PLCG2: variants seen among roughly 807,000 people sequenced by gnomAD.
The protein encoded by PLCG2 is phospholipase C gamma 2, also known as 1-phosphatidylinositol 4,5-bisphosphate phosphodiesterase gamma-2.
A neutral mutation model predicts 175.6 loss-of-function variants in PLCG2; 69 were observed. The observed-to-expected ratio is 0.39, with a 90% CI of 0.32 to 0.48. The LOEUF (loss-of-function observed/expected upper bound fraction) is 0.48, where lower values mean the gene tolerates loss of function less well. PLCG2 is among the 20% of genes least tolerant of loss of function. The pLI is 0.91. For synonymous variants in PLCG2, 827 were observed against 624.0 expected (o/e 1.33, Z -4.85); for missense variants, 1,798 against 1,650.9 (o/e 1.09, Z -1.54).
chr16:81,828,482 C>A (rs982651023), intron 2 of PLCG2, among the ~76,000 whole-genome samples: 1 of 152,052 alleles, frequency 6.6e-6, no homozygotes, highest in Admixed American at 6.6e-5. Context: ...TCGTGATCCA[C>A]CCATCTCGGC....
chr16:81,959,005 C>G lies in PLCG2; in HGVS notation c.*1007C>G, dbSNP rs957415363. 1.8e-5 allele frequency: 4 copies of G among 223,644 alleles called. No individual in the cohort carries two copies. Among genetic ancestry groups the G allele is most frequent in the African/African-American group, 8.9e-5 (4 of 44,812 alleles). 13.9% of individuals were successfully genotyped at this position (223,644 alleles called of 1,614,324 possible). A position where few individuals can be genotyped will look rare whatever the true frequency, so the allele number is the denominator to read the frequency against. Reference sequence around the variant, plus strand: ...GCCATCTCCCTTGGGGCAGATCTACCTAGTTCATGACAGTATGTGCGGCTG... The same window carrying G: ...GCCATCTCCCTTGGGGCAGATCTACGTAGTTCATGACAGTATGTGCGGCTG... On this transcript the variant is annotated 3_prime_UTR_variant, in exon 33 of 33. Transcript: ENST00000564138.
At chr16:81,749,670 A>G (rs1567692670) in intron 1 of PLCG2, among the ~76,000 whole-genome samples, 2 of 152,234 alleles carry the variant, frequency 1.3e-5, no homozygotes, top group African/African-American at 4.8e-5. Context: ...AAATAAATTT[A>G]AAGAAATAGA....
chr16:81,804,142 C>T (rs895813116), intron 2 of PLCG2, among the ~76,000 whole-genome samples: 1 of 152,212 alleles, frequency 6.6e-6, no homozygotes, highest in African/African-American at 2.4e-5. Context: ...TTTGCCAAAG[C>T]AGTTGCACCA....
intron 23 of PLCG2, among the ~76,000 whole-genome samples, chr16:81,927,764 G>C (rs755845697): frequency 1.3e-5 from 2 of 152,314 alleles, no homozygotes; most frequent in South Asian, 4.1e-4. Flanking sequence ...GCTTCCTGGA[G>C]GAAGGAGTAT....
intron 2 of PLCG2, among the ~76,000 whole-genome samples, chr16:81,805,587 A>G (rs1052154326): frequency 1.6e-4 from 24 of 151,584 alleles, no homozygotes; most frequent in African/African-American, 5.8e-4. Context: ...ACCCAATTAA[A>G]AAGTGGGCGA....
At chr16:81,874,972 T>TTA (rs1907706364) in intron 7 of PLCG2, among the ~76,000 whole-genome samples, 2 of 146,532 alleles carry the variant, frequency 1.4e-5, no homozygotes, top group Admixed American at 6.8e-5. Context: ...TTTTTTTTTT[T>TTA]TTTTTATTTG....
At chr16:81,820,416 A>G (rs1055507753) in intron 2 of PLCG2, among the ~76,000 whole-genome samples, 1 of 152,194 alleles carries the variant, frequency 6.6e-6, no homozygotes, top group Non-Finnish European at 1.5e-5. Flanking sequence ...ACATGGAATG[A>G]AACAGTAGAC....
chr16:81,870,482 A>C (rs1907459205), intron 6 of PLCG2, among the ~76,000 whole-genome samples: 1 of 152,116 alleles, frequency 6.6e-6, no homozygotes, highest in Non-Finnish European at 1.5e-5. Flanking sequence ...AAAAAGGAGG[A>C]GTTACGCATC....
chr16:81,954,116 G>A (rs1256116319), intron 31 of PLCG2, among the ~76,000 whole-genome samples: 2 of 152,024 alleles, frequency 1.3e-5, no homozygotes, highest in East Asian at 1.9e-4. Context: ...TTAACCTCCT[G>A]GGCTCATGTG....
chr16:81,783,812 G>A (rs1351337721), intron 1 of PLCG2, among the ~76,000 whole-genome samples: 2 of 147,218 alleles, frequency 1.4e-5, no homozygotes, highest in Non-Finnish European at 3.0e-5. Context: ...AAGGTAAGAT[G>A]CACATTAACT....
chr16:81,810,146 C>G (rs994593814), intron 2 of PLCG2, among the ~76,000 whole-genome samples: 1 of 152,172 alleles, frequency 6.6e-6, no homozygotes, highest in African/African-American at 2.4e-5. Context: ...CACTCACCAC[C>G]ACGCCCAGCT....
rs16955980 is a variant in PLCG2 at position 81,923,698 on chromosome 16, T to G, written c.2417+104T>G. On this transcript the variant is annotated intron_variant, in intron 22 of 32. Transcript: ENST00000564138. ...CCAAGTCTGACCCCCTTTGTCATCC[T>G]GGGCTGGCTTTGACCTCTTGTGTTA... 0.61 allele frequency: 403,193 copies of G among 660,448 alleles called. 126,865 individuals are homozygous for G. The highest frequency in any genetic ancestry group is 0.77 in the East Asian group (28,093 of 36,566). 40.9% of individuals were successfully genotyped at this position (660,448 alleles called of 1,614,324 possible).
At position 81,854,554 on chromosome 16, in the gene PLCG2, A is replaced by G. The variant is rs991965495; in HGVS notation, c.304A>G (p.Thr102Ala). The change falls in exon 3 of 33, where the codon ACT becomes GCT. Residue 102 changes from threonine to alanine, a missense_variant. Coordinates refer to ENST00000564138, the MANE Select transcript of PLCG2 (RefSeq NM_002661.5). ...EDCCFTILYGTQFVLSTLSLA... is the reference protein window; with the variant it reads ...EDCCFTILYGAQFVLSTLSLA... The stretch of plus-strand genomic sequence containing the variant: ...CTGCTGCTTCACCATCCTATATGGC[A>G]CTCAGTTCGTCCTCAGCACGCTCAG... 8.1e-6 allele frequency: 13 copies of G among 1,613,938 alleles called. No homozygotes were observed. The highest frequency in any genetic ancestry group is 2.2e-5 in the East Asian group (1 of 44,896).
intron 19 of PLCG2, among the ~76,000 whole-genome samples, chr16:81,913,824 G>A (rs570041150): frequency 1.1e-3 from 165 of 152,134 alleles, no homozygotes; most frequent in Non-Finnish European, 2.0e-3. Context: ...CTGCCCCCTG[G>A]GCGTTTGGAT....
chr16:81,865,090 C>G (rs1907163704), intron 5 of PLCG2, among the ~76,000 whole-genome samples: 1 of 152,126 alleles, frequency 6.6e-6, no homozygotes, highest in Admixed American at 6.6e-5. Context: ...GAGTCACAAC[C>G]ATGGCCTGGG....
At chr16:81,917,726 A>T (rs2143678017) in intron 19 of PLCG2, among the ~76,000 whole-genome samples, 1 of 152,148 alleles carries the variant, frequency 6.6e-6, no homozygotes. Flanking sequence ...ATTTTTTAAA[A>T]TTTTTTATTT....
In PLCG2 at chr16:81,910,709, C is replaced by G. The variant is rs374927413; in HGVS notation, c.1923C>G (p.His641Gln). 11 of 1,608,970 alleles carry G rather than the reference C, an allele frequency of 6.8e-6. No homozygotes were observed. Among genetic ancestry groups the G allele is most frequent in the South Asian group, 3.3e-5 (3 of 91,078 alleles). The change falls in exon 18 of 33, where the codon CAC becomes CAG. Residue 641 changes from histidine (H) to glutamine (Q), a missense_variant. His to Gln is a conservative substitution (Grantham distance 24, BLOSUM62 0). Transcript: ENST00000564138. ...LTDPVPNPNP[H>Q]ESKPWYYDSL... ...ACCCTGTGCCCAACCCCAACCCCCA[C>G]GAGTCCAAGCCGTACGTGTCTGAGG...
At chr16:81,835,896 G>T (rs899794058) in intron 2 of PLCG2, among the ~76,000 whole-genome samples, 2 of 152,098 alleles carry the variant, frequency 1.3e-5, no homozygotes, top group Non-Finnish European at 2.9e-5. Context: ...CTCCCTCTGA[G>T]TGTGTCTCTG....
intron 2 of PLCG2, among the ~76,000 whole-genome samples, chr16:81,852,800 A>T (rs1906484397): frequency 6.6e-6 from 1 of 152,186 alleles, no homozygotes; most frequent in Admixed American, 6.5e-5. Context: ...ACATGTTGTC[A>T]GCTGGGGCAG....
Sources: gnomAD v4.1 joint callset for allele counts (sites outside exome capture counted in the v4.1 genomes callset) on GRCh38, gnomAD v4.1.1 for gene constraint, MANE v1.5 for transcripts, NCBI Gene and HGNC (gene_info 2026-07-23, HGNC 2026-07-21) for gene names.